LSM14B: variants seen among roughly 807,000 people sequenced by gnomAD.
LSM14B encodes the protein protein LSM14 homolog B.
In LSM14B, 8 loss-of-function variants were observed where a neutral mutation model predicts 42.1. The observed-to-expected ratio is 0.19, with a 90% CI of 0.11 to 0.34. LSM14B has a LOEUF of 0.34. LSM14B is among the 10% of genes least tolerant of loss of function. LSM14B has a pLI of 1.00. For missense variants in LSM14B, 396 were observed against 513.1 expected, an observed-to-expected ratio of 0.77 and a Z score of 2.21; for synonymous variants, 219 against 209.7, an observed-to-expected ratio of 1.04 and a Z score of -0.38.
chr20:62,128,657 G>A (rs567976397), intron 3 of LSM14B, among the ~76,000 whole-genome samples: 1 of 152,304 alleles, frequency 6.6e-6, no homozygotes, highest in East Asian at 1.9e-4. Flanking sequence ...TCAGCAGGCA[G>A]GCAGTGCTGT....
intron 3 of LSM14B, chr20:62,128,089 C>T (rs953697694): frequency 4.0e-5 from 20 of 495,454 alleles, no homozygotes; most frequent in South Asian, 2.5e-4. Context: ...CTCTTTGATC[C>T]GTGTGGTTCA....
intron 3 of LSM14B, chr20:62,127,743 A>G (rs1424587680): frequency 7.5e-7 from 1 of 1,338,592 alleles, no homozygotes; most frequent in Non-Finnish European, 1.0e-6. Context: ...CTTGCAAACC[A>G]TTCTGAGAGC....
chr20:62,124,078 G>A (rs1021498870), intron 1 of LSM14B, among the ~76,000 whole-genome samples: 3 of 152,204 alleles, frequency 2.0e-5, no homozygotes, highest in African/African-American at 7.2e-5. Flanking sequence ...TTATAGATGC[G>A]GAAGCCGGGG....
chr20:62,127,208 T>C (rs2056632728), intron 3 of LSM14B, among the ~76,000 whole-genome samples: 1 of 152,224 alleles, frequency 6.6e-6, no homozygotes, highest in African/African-American at 2.4e-5. Context: ...CCCCAGAGTA[T>C]GATTCTATTC....
chr20:62,131,243 G>A (rs2056757309), intron 6 of LSM14B, 113 bp from the exon 7 acceptor site: 3 of 1,213,070 alleles, frequency 2.5e-6, no homozygotes, highest in Non-Finnish European at 1.1e-6. Flanking sequence ...ACAAGGCATA[G>A]TTGATGTCTT....
At chr20:62,132,473 A>AG (rs1189051270) in intron 7 of LSM14B, among the ~76,000 whole-genome samples, 4 of 152,170 alleles carry the variant, frequency 2.6e-5, no homozygotes. Flanking sequence ...CTGGCCAGTT[A>AG]GGGGCCAGTG....
chr20:62,125,162 A>G (rs1161646124), intron 2 of LSM14B, among the ~76,000 whole-genome samples: 1 of 152,138 alleles, frequency 6.6e-6, no homozygotes, highest in Non-Finnish European at 1.5e-5. Flanking sequence ...TACAGGCGTG[A>G]GCCACCACAC....
chr20:62,129,779 A>G lies in LSM14B; in HGVS notation c.428-6A>G, dbSNP rs1415783201. The G allele has an allele frequency of 6.2e-7, 1 of 1,606,468 alleles. No homozygotes were observed. The highest frequency in any genetic ancestry group is 1.7e-5 in the Admixed American group (1 of 58,884). On this transcript the variant is annotated splice_region_variant and splice_polypyrimidine_tract_variant and intron_variant, in intron 3 of 8. Transcript: ENST00000279068. Reference sequence around the variant, plus strand: ...TTTTTAAACCCTCCTCCCCTCCTCAATTCAGGAGCTGGTTTTCCATCCATC... The same window carrying G: ...TTTTTAAACCCTCCTCCCCTCCTCAGTTCAGGAGCTGGTTTTCCATCCATC...
chr20:62,130,369 C>A lies in LSM14B; in HGVS notation c.673+73C>A. 2 of 1,539,154 alleles carry A rather than the reference C, an allele frequency of 1.3e-6. No individual in the cohort carries two copies. The highest frequency in any genetic ancestry group is 1.8e-6 in the Non-Finnish European group (2 of 1,134,332). On this transcript the variant is annotated intron_variant, in intron 5 of 8. Transcript: ENST00000279068. The surrounding 1 kb of genome is among the most constrained non-coding windows in gnomAD (Gnocchi z 4.1). ...TGAGCTCTGCTTGCCCTCCTGCCTG[C>A]TTCTCTGGTTGACGGTTTCAGGGGT...
At position 62,134,745 on chromosome 20, in the gene LSM14B, G is replaced by T. The variant is rs951147034; in HGVS notation, c.*597G>T. On this transcript the variant is annotated 3_prime_UTR_variant, in exon 9 of 9. Transcript: ENST00000279068. ...CCAGACCACCCTGATGGCATCCACA[G>T]TGATGTCAAGGTTGGGGCTGGCCAG... is the stretch of plus-strand genomic sequence containing the variant. 3.0e-5 allele frequency: 5 copies of T among 166,944 alleles called. No homozygotes were observed. The highest frequency in any genetic ancestry group is 1.3e-4 in the Admixed American group (2 of 15,898). 10.3% of individuals were successfully genotyped at this position (166,944 alleles called of 1,614,324 possible). A position where few individuals can be genotyped will look rare whatever the true frequency, so the allele number is the denominator to read the frequency against.
rs1272709854 is a variant in LSM14B at position 62,130,282 on chromosome 20, A to G, written c.659A>G (p.Gln220Arg). The G allele has an allele frequency of 2.5e-6, 4 of 1,598,030 alleles. No individual in the cohort carries two copies. The highest frequency in any genetic ancestry group is 2.3e-5 in the South Asian group (2 of 88,422). ...GQVNDENRRP[Q>R]RRRSGNRRTR... is the part of the protein sequence containing the mutation. ...GTGAATGACGAGAACAGAAGACCTCAGAGGAGGCGATCAGGTAACACCTGT... is the reference window on the plus strand; with the variant it reads ...GTGAATGACGAGAACAGAAGACCTCGGAGGAGGCGATCAGGTAACACCTGT... Residue 220 changes from glutamine to arginine, a missense_variant, in exon 5 of 9, where the codon CAG becomes CGG. Coordinates refer to ENST00000279068, the MANE Select transcript of LSM14B (RefSeq NM_144703.3). The surrounding 1 kb of genome is among the most constrained non-coding windows in gnomAD (Gnocchi z 4.1).
In LSM14B at chr20:62,122,871, G is replaced by A; in HGVS notation, c.127+78G>A. 2 of 1,227,406 alleles carry A rather than the reference G, an allele frequency of 1.6e-6. No individual in the cohort carries two copies. Among genetic ancestry groups the A allele is most frequent in the Admixed American group, 4.6e-5 (1 of 21,790 alleles). 76.0% of individuals were successfully genotyped at this position (1,227,406 alleles called of 1,614,324 possible). On this transcript the variant is annotated intron_variant, in intron 1 of 8. Coordinates refer to ENST00000279068, the MANE Select transcript of LSM14B (RefSeq NM_144703.3). This position sits in a 1 kb window ranked among gnomAD's most constrained non-coding sequence, Gnocchi z 4.6. ...GGCCTGCGGTGCCCTCCCCGCCCCG[G>A]GGCGCCCCGGAGCCTGGCGCCCAGA...
intron 4 of LSM14B, 23 bp downstream of exon 4, chr20:62,129,975 G>A (rs754863995): frequency 6.3e-7 from 1 of 1,587,578 alleles, no homozygotes; most frequent in East Asian, 2.2e-5. Context: ...ATCATTTCCT[G>A]GAGTTTGCTT....
At chr20:62,126,161 T>G in intron 2 of LSM14B, 143 bp from the exon 3 acceptor site, 1 of 1,207,918 alleles carries the variant, frequency 8.3e-7, no homozygotes, top group Non-Finnish European at 1.2e-6. Flanking sequence ...ACTGGAAACT[T>G]GCACCCCAAG....
At chr20:62,124,192 C>G (rs924960622) in intron 1 of LSM14B, among the ~76,000 whole-genome samples, 2 of 152,216 alleles carry the variant, frequency 1.3e-5, no homozygotes, top group Non-Finnish European at 2.9e-5. Flanking sequence ...CGTCTAGATT[C>G]CTTTGTGAGA....
intron 8 of LSM14B, among the ~76,000 whole-genome samples, chr20:62,133,948 G>C (rs2056839143): frequency 6.6e-6 from 1 of 152,236 alleles, no homozygotes; most frequent in African/African-American, 2.4e-5. Flanking sequence ...GGACAGCCAG[G>C]TGGGCCCTGG....
chr20:62,123,668 G>A lies in LSM14B; in HGVS notation c.127+875G>A, dbSNP rs1051349298. On this transcript the variant is annotated intron_variant, in intron 1 of 8. Transcript: ENST00000279068. ...CGTGGAGCCACGTCTGCCTAAGCCC[G>A]TGTGTGTGCTGGATCTGGCGCTAGG... Among the ~76,000 whole-genome samples, 55 of 152,220 alleles carry A rather than the reference G, an allele frequency of 3.6e-4. 3 individuals carry two copies. Among genetic ancestry groups the A allele is most frequent in the Non-Finnish European group, 5.9e-5 (4 of 68,034 alleles).
In LSM14B at chr20:62,130,969, A is replaced by G. The variant is rs1222385962; in HGVS notation, c.835+278A>G. On this transcript the variant is annotated intron_variant, in intron 6 of 8. Transcript: ENST00000279068. The surrounding 1 kb of genome is among the most constrained non-coding windows in gnomAD (Gnocchi z 4.1). ...TGAGACAGGAGAATCGTTTGAACCC[A>G]GGAGGTGGAGGTTGCAGTGGGAGTG... Among the ~76,000 whole-genome samples, 1 of 152,176 alleles carries G rather than the reference A, an allele frequency of 6.6e-6. No homozygotes were observed. Among genetic ancestry groups the G allele is most frequent in the Non-Finnish European group, 1.5e-5 (1 of 68,020 alleles).
rs11477488 is a variant in LSM14B, at chr20:62,134,474, CTTT to C, written c.*340_*342del. On this transcript the variant is annotated 3_prime_UTR_variant, in exon 9 of 9. Coordinates refer to ENST00000279068, the MANE Select transcript of LSM14B (RefSeq NM_144703.3). ...TGAAAGCTGAATCCTTACTTTGTGA[CTTT>C]TTTTTTTTTTTTTAATGACAAGCTT... The C allele has an allele frequency of 0.017, 3,338 of 198,908 alleles. 10 individuals carry two copies. The highest frequency in any genetic ancestry group is 0.029 in the South Asian group (575 of 19,498). 12.3% of individuals were successfully genotyped at this position (198,908 alleles called of 1,614,324 possible). A position where few individuals can be genotyped will look rare whatever the true frequency, so the allele number is the denominator to read the frequency against.
Sources: allele counts gnomAD v4.1 joint callset (sites outside exome capture counted in the v4.1 genomes callset), GRCh38; gene constraint gnomAD v4.1.1; non-coding constraint Gnocchi (gnomAD v3.1); transcripts MANE v1.5; gene names NCBI Gene and HGNC (gene_info 2026-07-23, HGNC 2026-07-21).